ANKS1B: variants seen among roughly 807,000 people sequenced by gnomAD.
The protein encoded by ANKS1B is ankyrin repeat and sterile alpha motif domain-containing protein 1B.
In ANKS1B, 36 loss-of-function variants were observed where a neutral mutation model predicts 148.3. The ratio of observed to expected loss-of-function variants is 0.24; its 90% CI spans 0.19 to 0.32. The LOEUF is 0.32. Among genes scored for constraint, ANKS1B ranks in the 10% least tolerant of loss-of-function variants. The pLI, the probability that ANKS1B is intolerant of heterozygous loss-of-function variation, is 1.00. For missense variants in ANKS1B, 1,157 were observed against 1,542.6 expected, an observed-to-expected ratio of 0.75 and a Z score of 4.19; for synonymous variants, 542 against 560.8, an observed-to-expected ratio of 0.97 and a Z score of 0.47.
At chr12:98,880,800 A>AAACAAC (rs527909715) in intron 17 of ANKS1B, among the ~76,000 whole-genome samples, 6 of 151,804 alleles carry the variant, frequency 4.0e-5, no homozygotes, top group African/African-American at 1.5e-4. Flanking sequence ...ATAAAAAATA[A>AAACAAC]AACAACAACA....
At position 99,783,917 on chromosome 12, in the gene ANKS1B, T is replaced by TGA. The variant is rs2064671214; in HGVS notation, c.670-1822_670-1821dup. ...ACAAATAAATGGCAAATGTTTAAGG[T>TGA]GATAGATATGCTAATTACCCTATCA... On this transcript the variant is annotated intron_variant, in intron 4 of 26. Coordinates refer to ENST00000683438, the MANE Select transcript of ANKS1B (RefSeq NM_001352186.2). 2.6e-5 allele frequency among the ~76,000 whole-genome samples: 4 copies of TGA among 152,270 alleles called. No individual in the cohort carries two copies. The South Asian group carries it at 8.3e-4, about 32-fold the overall frequency.
At position 99,367,203 on chromosome 12, in the gene ANKS1B, G is replaced by T. The variant is rs144028613; in HGVS notation, c.1756+32428C>A. Among the ~76,000 whole-genome samples the T allele has an allele frequency of 3.9e-5, 6 of 152,144 alleles. No homozygotes were observed. The East Asian group carries it at 1.2e-3, about 29-fold the overall frequency. On this transcript the variant is annotated intron_variant, in intron 12 of 26. Transcript: ENST00000683438. ...ACTAGTCTGTTCTAATATATAAAAA[G>T]ATCTTAAAATAGTGAAGGAAAAATT...
At chr12:99,517,588 G>T (rs200469826) in intron 9 of ANKS1B, among the ~76,000 whole-genome samples, 2 of 151,848 alleles carry the variant, frequency 1.3e-5, no homozygotes, top group Non-Finnish European at 2.9e-5. Context: ...AATTAGCTGG[G>T]TGTGGTGGTG....
At chr12:99,824,630 A>G (rs2082940026) in intron 2 of ANKS1B, among the ~76,000 whole-genome samples, 1 of 152,144 alleles carries the variant, frequency 6.6e-6, no homozygotes, top group Non-Finnish European at 1.5e-5. Context: ...AGGGGAGGAC[A>G]GAACATCTGA....
At chr12:99,538,853 C>G (rs2097098118) in intron 9 of ANKS1B, among the ~76,000 whole-genome samples, 2 of 152,104 alleles carry the variant, frequency 1.3e-5, no homozygotes, top group African/African-American at 4.8e-5. Context: ...TTTCTCCATT[C>G]AATGTGCTAC....
At chr12:99,466,387 G>A (rs2152883015) in intron 10 of ANKS1B, among the ~76,000 whole-genome samples, 1 of 151,962 alleles carries the variant, frequency 6.6e-6, no homozygotes, top group South Asian at 2.1e-4. Flanking sequence ...AACTAGAAAA[G>A]CAAGAGCAAA....
rs899291288 is a variant in ANKS1B at position 99,727,740 on chromosome 12, T to C, written c.1128+45182A>G. Among the ~76,000 whole-genome samples, 4 of 152,068 alleles carry C rather than the reference T, an allele frequency of 2.6e-5. No individual in the cohort carries two copies. In the East Asian group the frequency reaches 7.7e-4, roughly 29 times the overall value. ...CATCACACTACCTGACTTCAAACTATACTACAAGGCTACAGTAACCAAAAC... is the reference window on the plus strand; with the variant it reads ...CATCACACTACCTGACTTCAAACTACACTACAAGGCTACAGTAACCAAAAC... On this transcript the variant is annotated intron_variant, in intron 8 of 26. Coordinates refer to ENST00000683438, the MANE Select transcript of ANKS1B (RefSeq NM_001352186.2).
chr12:98,972,950 C>G (rs951819246), intron 17 of ANKS1B, among the ~76,000 whole-genome samples: 2 of 152,152 alleles, frequency 1.3e-5, no homozygotes, highest in Non-Finnish European at 2.9e-5. Context: ...GATTTTCTTG[C>G]TTTACTTTAT....
At chr12:99,647,838 T>C (rs985957911) in intron 9 of ANKS1B, 1 of 290,732 alleles carries the variant, frequency 3.4e-6, no homozygotes, top group African/African-American at 2.1e-5. Flanking sequence ...TGTTGTGAAG[T>C]GGAATATCAG....
intron 15 of ANKS1B, among the ~76,000 whole-genome samples, chr12:99,117,971 T>C (rs2061802114): frequency 6.6e-6 from 1 of 152,236 alleles, no homozygotes; most frequent in African/African-American, 2.4e-5. Context: ...CTAGATTTTC[T>C]AGTTTATATG....
At chr12:99,315,173 G>A (rs1347751754) in intron 12 of ANKS1B, among the ~76,000 whole-genome samples, 5 of 151,478 alleles carry the variant, frequency 3.3e-5, no homozygotes, top group African/African-American at 4.9e-5. Context: ...CTGGGAGGCA[G>A]AGGTTGCAGT....
At chr12:99,435,031 T>A (rs1193116642) in intron 11 of ANKS1B, among the ~76,000 whole-genome samples, 1 of 152,136 alleles carries the variant, frequency 6.6e-6, no homozygotes, top group Admixed American at 6.6e-5. Context: ...ATTCTCCATA[T>A]TCCTGTAGGA....
intron 1 of ANKS1B, among the ~76,000 whole-genome samples, chr12:99,957,428 C>G (rs1306809005): frequency 3.3e-5 from 5 of 152,232 alleles, no homozygotes; most frequent in Non-Finnish European, 7.3e-5. Flanking sequence ...ATATCTCCTA[C>G]AAATCTCTGG....
At chr12:99,095,790 G>T (rs1169866561) in intron 15 of ANKS1B, among the ~76,000 whole-genome samples, 1 of 152,112 alleles carries the variant, frequency 6.6e-6, no homozygotes. Flanking sequence ...AAAGTTATCA[G>T]ATCCAAGTTG....
chr12:99,648,232 A>T (rs868589073), intron 9 of ANKS1B: 4 of 1,614,220 alleles, frequency 2.5e-6, no homozygotes, highest in Non-Finnish European at 3.4e-6. Context: ...CGCAATGGGC[A>T]TGTTTAACAC....
chr12:99,945,403 A>T (rs1351573458), intron 1 of ANKS1B, among the ~76,000 whole-genome samples: 2 of 152,132 alleles, frequency 1.3e-5, no homozygotes, highest in Non-Finnish European at 2.9e-5. Context: ...ACAAAAACAA[A>T]AGTAGTATGA....
At chr12:99,983,322 G>A (rs1378378281) in intron 1 of ANKS1B, among the ~76,000 whole-genome samples, 1 of 152,074 alleles carries the variant, frequency 6.6e-6, no homozygotes, top group Non-Finnish European at 1.5e-5. Context: ...CTATTTCCAA[G>A]GTACTGCTGA....
chr12:99,212,796 T>A (rs1368434657), intron 14 of ANKS1B, among the ~76,000 whole-genome samples: 2 of 152,210 alleles, frequency 1.3e-5, no homozygotes, highest in African/African-American at 4.8e-5. Context: ...TTCCCTGCTA[T>A]AGGCAGATGT....
chr12:99,527,432 A>G lies in ANKS1B; in HGVS notation c.1273-22791T>C, dbSNP rs187407786. ...TTGCTGTAAACAGGCAATATAGTAC[A>G]ATATAGAGGTCTACAGACTTTAGAC... is the stretch of plus-strand genomic sequence containing the variant. On this transcript the variant is annotated intron_variant, in intron 9 of 26. Transcript: ENST00000683438. Among the ~76,000 whole-genome samples the G allele has an allele frequency of 3.3e-5, 5 of 152,354 alleles. No individual in the cohort carries two copies. In the East Asian group the frequency reaches 7.7e-4, roughly 23 times the overall value.
Sources: allele counts gnomAD v4.1 joint callset (sites outside exome capture counted in the v4.1 genomes callset), GRCh38; gene constraint gnomAD v4.1.1; transcripts MANE v1.5; gene names NCBI Gene and HGNC (gene_info 2026-07-23, HGNC 2026-07-21).